CLSTN2: variants seen among roughly 807,000 people sequenced by gnomAD.
CLSTN2 encodes calsyntenin-2.
Under a neutral mutation model 101.2 loss-of-function variants are expected in CLSTN2, and 48 were observed. The ratio of observed to expected loss-of-function variants is 0.47; its 90% confidence interval spans 0.38 to 0.60. The LOEUF (loss-of-function observed/expected upper bound fraction) is 0.60, where lower values mean the gene tolerates loss of function less well. CLSTN2 is among the 20% of genes least tolerant of loss of function. The pLI is 0.00. For synonymous variants in CLSTN2, 481 were observed against 463.6 expected (o/e 1.04, Z -0.48); for missense variants, 1,160 against 1,238.2 (o/e 0.94, Z 0.95).
chr3:140,157,802 A>G (rs1475239228), intron 1 of CLSTN2, among the ~76,000 whole-genome samples: 1 of 152,200 alleles, frequency 6.6e-6, no homozygotes, highest in Non-Finnish European at 1.5e-5. Context: ...AGAACATAAA[A>G]GCTAATACAC....
At chr3:140,373,872 T>A (rs1014516492) in intron 2 of CLSTN2, among the ~76,000 whole-genome samples, 1 of 152,226 alleles carries the variant, frequency 6.6e-6, no homozygotes, top group African/African-American at 2.4e-5. Context: ...AAATGGGCCA[T>A]TAACACCTGC....
intron 2 of CLSTN2, among the ~76,000 whole-genome samples, chr3:140,356,684 G>A (rs2087673526): frequency 1.3e-5 from 2 of 150,050 alleles, no homozygotes; most frequent in Non-Finnish European, 2.9e-5. Flanking sequence ...CTTGAACCCA[G>A]GAAGCGGAGG....
intron 9 of CLSTN2, among the ~76,000 whole-genome samples, chr3:140,541,732 G>A (rs188891768): frequency 1.3e-5 from 2 of 152,196 alleles, no homozygotes; most frequent in African/African-American, 4.8e-5. Flanking sequence ...GGATGTCTTC[G>A]CCCCTTCCCT....
At chr3:140,528,469 G>T (rs1444357929) in intron 8 of CLSTN2, among the ~76,000 whole-genome samples, 1 of 152,138 alleles carries the variant, frequency 6.6e-6, no homozygotes, top group Admixed American at 6.5e-5. Context: ...TATGAATCCC[G>T]ATCTGTTATA....
intron 8 of CLSTN2, among the ~76,000 whole-genome samples, chr3:140,496,896 T>A (rs939199803): frequency 1.3e-5 from 2 of 151,436 alleles, no homozygotes; most frequent in African/African-American, 2.4e-5. Context: ...AGGTCAGGAG[T>A]TCGAGACTAG....
In CLSTN2 at chr3:140,466,594, T is replaced by G; in HGVS notation, c.1223-16T>G. On this transcript the variant is annotated splice_polypyrimidine_tract_variant and intron_variant, in intron 7 of 16. Transcript: ENST00000458420. ...AGGGGTTCTCTCACTCTTCAAACCT[T>G]CTTTCTGCTTTTCAGAAATGAACCG... The G allele has an allele frequency of 1.2e-6, 2 of 1,613,460 alleles. No homozygotes were observed. The highest frequency in any genetic ancestry group is 1.7e-6 in the Non-Finnish European group (2 of 1,179,594).
At chr3:140,259,389 A>G (rs1422177942) in intron 2 of CLSTN2, among the ~76,000 whole-genome samples, 1 of 152,012 alleles carries the variant, frequency 6.6e-6, no homozygotes, top group Non-Finnish European at 1.5e-5. Flanking sequence ...CAGGAGAATC[A>G]CTTGAACTCA....
chr3:140,144,125 G>A (rs1576443932), intron 1 of CLSTN2, among the ~76,000 whole-genome samples: 1 of 152,190 alleles, frequency 6.6e-6, no homozygotes, highest in South Asian at 2.1e-4. Flanking sequence ...TTGAAGATTA[G>A]GGAATTGGAT....
chr3:140,269,267 A>G (rs1208986387), intron 2 of CLSTN2, among the ~76,000 whole-genome samples: 1 of 152,232 alleles, frequency 6.6e-6, no homozygotes, highest in Non-Finnish European at 1.5e-5. Flanking sequence ...CATAGAAAAT[A>G]AACACTCAAG....
chr3:140,271,946 G>T (rs1444686517), intron 2 of CLSTN2, among the ~76,000 whole-genome samples: 1 of 152,188 alleles, frequency 6.6e-6, no homozygotes, highest in Admixed American at 6.5e-5. Context: ...AGTACAAACA[G>T]AACCCAATTC....
intron 8 of CLSTN2, among the ~76,000 whole-genome samples, chr3:140,500,116 GGA>G (rs1934548788): frequency 6.6e-6 from 1 of 152,088 alleles, no homozygotes; most frequent in Non-Finnish European, 1.5e-5. Flanking sequence ...TGGAAATTAG[GGA>G]ACTTCATGGG....
At chr3:140,066,289 A>G (rs937480876) in intron 1 of CLSTN2, among the ~76,000 whole-genome samples, 3 of 152,170 alleles carry the variant, frequency 2.0e-5, no homozygotes, top group African/African-American at 4.8e-5. Flanking sequence ...GCAGCCTCCC[A>G]CTTCCTACCT....
intron 8 of CLSTN2, among the ~76,000 whole-genome samples, chr3:140,505,420 C>A (rs1934668213): frequency 6.6e-6 from 1 of 152,156 alleles, no homozygotes; most frequent in South Asian, 2.1e-4. Flanking sequence ...ACACAGGCAG[C>A]CATGTGGTTG....
intron 2 of CLSTN2, among the ~76,000 whole-genome samples, chr3:140,350,088 C>T (rs559463458): frequency 8.7e-4 from 133 of 152,322 alleles, no homozygotes; most frequent in African/African-American, 3.0e-3. Flanking sequence ...TACACGCACA[C>T]CTTGCAATCT....
Position 139,935,370 on chromosome 3 carries a change from C to T in CLSTN2, c.-5C>T. ...GGCTGCAGCTCGTTGGCGGCTGCTG[C>T]GAGGATGCTGCCTGGGCGGCTGTGC... is the stretch of plus-strand genomic sequence containing the variant. On this transcript the variant is annotated 5_prime_UTR_variant, in exon 1 of 17. Coordinates refer to ENST00000458420, the MANE Select transcript of CLSTN2 (RefSeq NM_022131.3). This position sits in a 1 kb window ranked among gnomAD's most constrained non-coding sequence, Gnocchi z 5.5. 1 of 1,225,710 alleles carries T rather than the reference C, an allele frequency of 8.2e-7. No individual in the cohort carries two copies. Among genetic ancestry groups the T allele is most frequent in the Admixed American group, 4.2e-5 (1 of 23,564 alleles). The allele number at this position is 1,225,710 out of a possible 1,614,324, so 75.9% of individuals were successfully genotyped here. A position where few individuals can be genotyped will look rare whatever the true frequency, so the allele number is the denominator to read the frequency against.
At chr3:140,468,753 T>A (rs1933768733) in intron 8 of CLSTN2, among the ~76,000 whole-genome samples, 1 of 152,234 alleles carries the variant, frequency 6.6e-6, no homozygotes, top group African/African-American at 2.4e-5. Context: ...TTCGAAATTT[T>A]AAAAATTTGC....
intron 2 of CLSTN2, among the ~76,000 whole-genome samples, chr3:140,276,746 A>G: frequency 6.6e-6 from 1 of 152,188 alleles, no homozygotes; most frequent in East Asian, 1.9e-4. Flanking sequence ...TCCTTGGAAA[A>G]CTAGTATGGT....
At chr3:140,196,132 G>C (rs2010640280) in intron 2 of CLSTN2, among the ~76,000 whole-genome samples, 1 of 152,150 alleles carries the variant, frequency 6.6e-6, no homozygotes, top group East Asian at 1.9e-4. Context: ...AAGAATGCCT[G>C]GGAACAGCCA....
intron 1 of CLSTN2, among the ~76,000 whole-genome samples, chr3:140,166,685 A>G (rs776447828): frequency 6.6e-6 from 1 of 152,198 alleles, no homozygotes; most frequent in African/African-American, 2.4e-5. Flanking sequence ...TTAAAGGCAC[A>G]TTGGGTGGCA....
Sources: allele counts gnomAD v4.1 joint callset (sites outside exome capture counted in the v4.1 genomes callset), GRCh38; gene constraint gnomAD v4.1.1; non-coding constraint Gnocchi (gnomAD v3.1); transcripts MANE v1.5; gene names NCBI Gene and HGNC (gene_info 2026-07-23, HGNC 2026-07-21).